Variants in PPP1R1C observed in about 807,000 individuals in gnomAD.
The protein encoded by PPP1R1C is protein phosphatase 1 regulatory inhibitor subunit 1C, also known as protein phosphatase 1 regulatory subunit 1C.
PPP1R1C carries 15 observed loss-of-function variants against 17.4 expected under a neutral mutation model. The ratio of observed to expected loss-of-function variants is 0.86; its 90% CI spans 0.58 to 1.33. PPP1R1C has a LOEUF of 1.33. Among genes scored for constraint, PPP1R1C ranks in the 40% most tolerant of loss-of-function variants. The probability of loss-of-function intolerance (pLI) is 0.00; values close to 1 mark genes in which losing one functional copy is unlikely to be tolerated. For missense variants in PPP1R1C, 143 were observed against 130.0 expected, an observed-to-expected ratio of 1.10 and a Z score of -0.48; for synonymous variants, 35 against 43.1, an observed-to-expected ratio of 0.81 and a Z score of 0.73.
intron 2 of PPP1R1C, among the ~76,000 whole-genome samples, chr2:182,040,192 T>C (rs940684199): frequency 5.3e-5 from 8 of 152,248 alleles, no homozygotes; most frequent in Non-Finnish European, 8.8e-5. Context: ...CTAGATCAAA[T>C]AGTAAATCTA....
intron 4 of PPP1R1C, among the ~76,000 whole-genome samples, chr2:182,098,024 C>A (rs965440002): frequency 6.6e-6 from 1 of 151,112 alleles, no homozygotes; most frequent in Non-Finnish European, 1.5e-5. Context: ...CTGCTTAGTC[C>A]TTCTCTTCTT....
intron 2 of PPP1R1C, among the ~76,000 whole-genome samples, chr2:181,979,860 A>G (rs952554114): frequency 6.6e-6 from 1 of 152,206 alleles, no homozygotes; most frequent in Non-Finnish European, 1.5e-5. Context: ...GAGAAGCTGA[A>G]TATCTTTATT....
intron 1 of PPP1R1C, among the ~76,000 whole-genome samples, chr2:181,974,989 G>C (rs2125134947): frequency 6.6e-6 from 1 of 152,228 alleles, no homozygotes; most frequent in Admixed American, 6.5e-5. Flanking sequence ...TAAATGAAAG[G>C]AGTCCACTAA....
chr2:182,068,191 T>C (rs997917407), intron 4 of PPP1R1C, among the ~76,000 whole-genome samples: 1 of 152,182 alleles, frequency 6.6e-6, no homozygotes, highest in African/African-American at 2.4e-5. Flanking sequence ...GTCTCACTTC[T>C]CTCATGGGGA....
At chr2:182,034,536 C>T (rs1357512245) in intron 2 of PPP1R1C, among the ~76,000 whole-genome samples, 1 of 152,094 alleles carries the variant, frequency 6.6e-6, no homozygotes, top group Non-Finnish European at 1.5e-5. Flanking sequence ...TGACATGACA[C>T]ATTGATGTTT....
intron 4 of PPP1R1C, among the ~76,000 whole-genome samples, chr2:182,087,180 T>TGGGC (rs1209595542): frequency 6.6e-6 from 1 of 152,242 alleles, no homozygotes; most frequent in African/African-American, 2.4e-5. Context: ...AACCTCTAAA[T>TGGGC]GGGCCGTATT....
intron 2 of PPP1R1C, among the ~76,000 whole-genome samples, chr2:182,026,746 GA>G (rs1308884240): frequency 1.1e-4 from 17 of 151,674 alleles, no homozygotes; most frequent in Non-Finnish European, 2.4e-4. Context: ...ATTCTGTGAA[GA>G]AAGTCATTGG....
chr2:181,967,509 A>C lies in PPP1R1C; in HGVS notation n.112-7710A>C, dbSNP rs1372591035. 3.3e-5 allele frequency among the ~76,000 whole-genome samples: 5 copies of C among 151,958 alleles called. No homozygotes were observed. ...GTACAATGTGTTTCCATTTTCATTT[A>C]TTTCAAGAAATTCTTCAACTTCCTT... On this transcript the variant is annotated intron_variant and non_coding_transcript_variant, in intron 1 of 5. Coordinates refer to the PPP1R1C transcript ENST00000464264. The surrounding 1 kb of genome is among the most constrained non-coding windows in gnomAD (Gnocchi z 5.5).
intron 5 of PPP1R1C, among the ~76,000 whole-genome samples, chr2:182,128,687 A>C (rs1164924605): frequency 6.6e-6 from 1 of 152,116 alleles, no homozygotes; most frequent in Non-Finnish European, 1.5e-5. Flanking sequence ...TGAGCATTGT[A>C]ACCAGTTGAT....
At chr2:182,094,604 A>G (rs1019020278) in intron 4 of PPP1R1C, among the ~76,000 whole-genome samples, 1 of 152,194 alleles carries the variant, frequency 6.6e-6, no homozygotes, top group Non-Finnish European at 1.5e-5. Context: ...GGTCAGCCAT[A>G]TGTTCAGGAG....
chr2:182,014,240 T>C (rs1171038526), intron 2 of PPP1R1C, among the ~76,000 whole-genome samples: 1 of 152,228 alleles, frequency 6.6e-6, no homozygotes, highest in African/African-American at 2.4e-5. Flanking sequence ...TCACTGTAGC[T>C]GTATCTGCAT....
intron 2 of PPP1R1C, among the ~76,000 whole-genome samples, chr2:182,015,373 C>T (rs1335496886): frequency 6.6e-6 from 1 of 152,170 alleles, no homozygotes; most frequent in Non-Finnish European, 1.5e-5. Context: ...TGAGGCCTCC[C>T]TAGCCATGTG....
In PPP1R1C at chr2:181,961,254, G is replaced by A. The variant is rs531914807; in HGVS notation, n.111+6620G>A. 8 of 795,620 alleles carry A rather than the reference G, an allele frequency of 1.0e-5. No individual in the cohort carries two copies. The highest frequency in any genetic ancestry group is 2.5e-5 in the East Asian group (1 of 40,516). The allele number at this position is 795,620 out of a possible 1,614,324, so 49.3% of individuals were successfully genotyped here. On this transcript the variant is annotated intron_variant and non_coding_transcript_variant, in intron 1 of 5. Coordinates refer to the PPP1R1C transcript ENST00000464264. The surrounding 1 kb of genome is among the most constrained non-coding windows in gnomAD (Gnocchi z 5.8). ...TTGGTCTCAGACACCACTTTGCGGC[G>A]GGTGGTGGTCTTTGGATGGTTTGCA... is the stretch of plus-strand genomic sequence containing the variant.
intron 2 of PPP1R1C, among the ~76,000 whole-genome samples, chr2:182,010,690 T>C (rs1286686714): frequency 1.3e-5 from 2 of 152,052 alleles, no homozygotes; most frequent in African/African-American, 4.8e-5. Flanking sequence ...TGGTCGGCCT[T>C]ATTGTGTTTT....
chr2:182,095,663 G>A (rs978342712), intron 4 of PPP1R1C, among the ~76,000 whole-genome samples: 2 of 152,164 alleles, frequency 1.3e-5, no homozygotes, highest in African/African-American at 4.8e-5. Context: ...GGGCTGCAGA[G>A]GAGAAAAAGT....
intron 2 of PPP1R1C, among the ~76,000 whole-genome samples, chr2:182,058,477 C>T (rs76316745): frequency 6.6e-6 from 1 of 152,114 alleles, no homozygotes; most frequent in Non-Finnish European, 1.5e-5. Flanking sequence ...TACTCATTCC[C>T]TCCTGCTCCT....
intron 2 of PPP1R1C, among the ~76,000 whole-genome samples, chr2:181,992,677 A>G (rs1433338008): frequency 7.4e-6 from 1 of 134,730 alleles, no homozygotes; most frequent in Non-Finnish European, 1.7e-5. Context: ...TGGAATCCGA[A>G]GCATAAGGTA....
In PPP1R1C at chr2:182,021,211, T is replaced by C. The variant is rs544591941; in HGVS notation, c.142+33312T>C. Among the ~76,000 whole-genome samples, 8 of 152,184 alleles carry C rather than the reference T, an allele frequency of 5.3e-5. No individual in the cohort carries two copies. In the East Asian group the frequency reaches 1.4e-3, roughly 26 times the overall value. On this transcript the variant is annotated intron_variant, in intron 2 of 4. Coordinates refer to ENST00000682840, the MANE Select transcript of PPP1R1C (RefSeq NM_001080545.3). Reference sequence around the variant, plus strand: ...TGCATGTGGTAGAAAGAGTCCTTAATTGTTTAGGAAGAAGTGAGGAGTAGA... The same window carrying C: ...TGCATGTGGTAGAAAGAGTCCTTAACTGTTTAGGAAGAAGTGAGGAGTAGA...
intron 1 of PPP1R1C, among the ~76,000 whole-genome samples, chr2:181,959,791 G>T (rs978796178): frequency 1.3e-5 from 2 of 152,184 alleles, no homozygotes; most frequent in Admixed American, 6.5e-5. Flanking sequence ...TGAGCAGTAT[G>T]CCTGTCCTCC....
Sources: gnomAD v4.1 joint callset for allele counts (sites outside exome capture counted in the v4.1 genomes callset) on GRCh38, gnomAD v4.1.1 for gene constraint, Gnocchi (gnomAD v3.1) non-coding constraint, MANE v1.5 for transcripts, NCBI Gene and HGNC (gene_info 2026-07-23, HGNC 2026-07-21) for gene names.